TUNAR: variants seen among roughly 807,000 people sequenced by gnomAD.
TUNAR encodes transmembrane neural differentiation associated intracellular calcium regulator.
intron 2 of TUNAR, among the ~76,000 whole-genome samples, chr14:95,902,540 A>G (rs1468346539): frequency 1.3e-5 from 2 of 152,226 alleles, no homozygotes; most frequent in African/African-American, 4.8e-5. Context: ...AGCATGGCCA[A>G]GCCATTTGCT....
rs374882032 is a variant in TUNAR at position 95,924,077 on chromosome 14, G to A, written c.*1111G>A. 14 of 152,266 alleles carry A rather than the reference G, an allele frequency of 9.2e-5. 1 individual carries two copies. The highest frequency in any genetic ancestry group is 1.9e-4 in the East Asian group (1 of 5,184). The allele number at this position is 152,266 out of a possible 1,614,324, so 9.4% of individuals were successfully genotyped here. ...TCGTTTATCAGATTTTGATTTTAGC[G>A]GTCATGTACCGCGAGAGTTGGGAAG... is the stretch of plus-strand genomic sequence containing the variant. On this transcript the variant is annotated 3_prime_UTR_variant, in exon 3 of 3. Transcript: ENST00000678517.
At chr14:95,886,953 C>G (rs977498146) in intron 2 of TUNAR, among the ~76,000 whole-genome samples, 1 of 152,146 alleles carries the variant, frequency 6.6e-6, no homozygotes, top group Admixed American at 6.5e-5. Flanking sequence ...GATGTCTGGC[C>G]TTTTGTTTGC....
intron 2 of TUNAR, among the ~76,000 whole-genome samples, chr14:95,908,150 C>G (rs1358981577): frequency 1.3e-5 from 2 of 152,240 alleles, no homozygotes; most frequent in Non-Finnish European, 2.9e-5. Context: ...TGATGCTGTT[C>G]ATGGCACCTG....
chr14:95,913,775 T>C lies in TUNAR; in HGVS notation c.13-9006T>C, dbSNP rs1373157276. 2.6e-5 allele frequency among the ~76,000 whole-genome samples: 4 copies of C among 152,024 alleles called. No homozygotes were observed. The East Asian group carries it at 7.7e-4, about 29-fold the overall frequency. ...TTGAGACAGAGTCTCACTCTGTCAC[T>C]AGGCTGGAGTGCAGTGGCACGATCT... On this transcript the variant is annotated intron_variant, in intron 2 of 2. Transcript: ENST00000678517.
chr14:95,876,694 G>T (rs1888884401), intron 1 of TUNAR, 138 bp from the exon 1 acceptor site: 1 of 152,374 alleles, frequency 6.6e-6, no homozygotes, highest in Non-Finnish European at 1.5e-5. Context: ...GACCGGCCAT[G>T]TGCTAAAGTT....
intron 2 of TUNAR, among the ~76,000 whole-genome samples, chr14:95,901,955 C>T (rs1371295687): frequency 1.3e-5 from 2 of 152,168 alleles, no homozygotes; most frequent in East Asian, 3.9e-4. Flanking sequence ...AACGTTTGGG[C>T]AAAGTGTGTT....
chr14:95,884,594 G>C (rs999475579), intron 2 of TUNAR, among the ~76,000 whole-genome samples: 2 of 152,234 alleles, frequency 1.3e-5, no homozygotes, highest in Non-Finnish European at 2.9e-5. Context: ...GTGTTACAGG[G>C]TGACTCATCA....
exon 2 of TUNAR, chr14:95,877,129 C>G (rs950619347): frequency 1.3e-5 from 2 of 152,274 alleles, no homozygotes; most frequent in African/African-American, 4.8e-5. Flanking sequence ...GGCTGCGGCT[C>G]TGCTGCGTGC....
chr14:95,884,010 T>A (rs1341194271), intron 2 of TUNAR, among the ~76,000 whole-genome samples: 1 of 152,046 alleles, frequency 6.6e-6, no homozygotes, highest in Admixed American at 6.5e-5. Context: ...TGCCCCTCCC[T>A]GCTCTAAAGG....
At chr14:95,913,674 C>T (rs115129925) in intron 2 of TUNAR, among the ~76,000 whole-genome samples, 2,087 of 152,240 alleles carry the variant, frequency 0.014, 54 homozygotes, top group African/African-American at 0.048. Context: ...TCTTGGATAT[C>T]GCTCAGCCAT....
intron 2 of TUNAR, among the ~76,000 whole-genome samples, chr14:95,884,485 G>T (rs1311666837): frequency 6.6e-6 from 1 of 152,204 alleles, no homozygotes; most frequent in Admixed American, 6.5e-5. Flanking sequence ...AACCCCTGCA[G>T]ACTGACACTC....
chr14:95,901,458 A>G (rs2139662778), intron 2 of TUNAR, among the ~76,000 whole-genome samples: 1 of 152,360 alleles, frequency 6.6e-6, no homozygotes, highest in East Asian at 1.9e-4. Context: ...TATAGATGCC[A>G]GGAATAAGGA....
At chr14:95,901,366 T>C (rs80091927) in intron 2 of TUNAR, among the ~76,000 whole-genome samples, 1 of 152,150 alleles carries the variant, frequency 6.6e-6, no homozygotes, top group East Asian at 1.9e-4. Context: ...CCCCAGAGAG[T>C]TGGGGGCCAG....
At chr14:95,894,766 A>T (rs1889233307) in intron 2 of TUNAR, among the ~76,000 whole-genome samples, 1 of 152,218 alleles carries the variant, frequency 6.6e-6, no homozygotes, top group East Asian at 1.9e-4. Flanking sequence ...GCTTCAAGAG[A>T]TCTTAAAAGA....
chr14:95,905,428 A>G (rs1889416182), intron 2 of TUNAR, among the ~76,000 whole-genome samples: 1 of 152,132 alleles, frequency 6.6e-6, no homozygotes, highest in East Asian at 1.9e-4. Context: ...AGCACTTGTC[A>G]GCTATTTTCT....
At chr14:95,891,543 T>TCAG (rs1889180674) in intron 2 of TUNAR, among the ~76,000 whole-genome samples, 1 of 152,204 alleles carries the variant, frequency 6.6e-6, no homozygotes, top group African/African-American at 2.4e-5. Context: ...CTCAGGAGCC[T>TCAG]GCCCAGGGCC....
At chr14:95,921,470 C>CT (rs1225411673) in intron 2 of TUNAR, among the ~76,000 whole-genome samples, 1 of 152,204 alleles carries the variant, frequency 6.6e-6, no homozygotes, top group Non-Finnish European at 1.5e-5. Flanking sequence ...GAAAAGAAGG[C>CT]TTTGGCTGCC....
At chr14:95,915,622 T>C (rs1043313012) in intron 2 of TUNAR, among the ~76,000 whole-genome samples, 22 of 152,226 alleles carry the variant, frequency 1.4e-4, no homozygotes, top group Admixed American at 1.4e-3. Context: ...CCGTGCCTTC[T>C]AGCCCTGCCC....
At chr14:95,881,098 C>T (rs1410608064) in intron 2 of TUNAR, among the ~76,000 whole-genome samples, 1 of 152,128 alleles carries the variant, frequency 6.6e-6, no homozygotes, top group Non-Finnish European at 1.5e-5. Context: ...TGTGTCCTTC[C>T]TCCCCAATTT....
Sources: gnomAD v4.1 joint callset for allele counts (sites outside exome capture counted in the v4.1 genomes callset) on GRCh38, gnomAD v4.1.1 for gene constraint, MANE v1.5 for transcripts, NCBI Gene and HGNC (gene_info 2026-07-23, HGNC 2026-07-21) for gene names.